Variants in ABRACL observed in about 807,000 individuals in gnomAD.
The protein encoded by ABRACL is ABRA C-terminal like.
A neutral mutation model predicts 7.0 loss-of-function variants in ABRACL; 4 were observed. The ratio of observed to expected loss-of-function variants is 0.57; its 90% confidence interval spans 0.28 to 1.30. The LOEUF (loss-of-function observed/expected upper bound fraction) is 1.30, where lower values mean the gene tolerates loss of function less well. Ranked by LOEUF, ABRACL falls within the 50% of genes most tolerant of loss-of-function variation. The probability of loss-of-function intolerance (pLI) is 0.10; values close to 1 mark genes in which losing one functional copy is unlikely to be tolerated. For synonymous variants in ABRACL, 30 were observed against 36.0 expected (o/e 0.83, Z 0.60); for missense variants, 104 against 97.3 (o/e 1.07, Z -0.29).
At chr6:139,032,336 T>C (rs568267897) in intron 1 of ABRACL, among the ~76,000 whole-genome samples, 1 of 152,382 alleles carries the variant, frequency 6.6e-6, no homozygotes, top group Non-Finnish European at 1.5e-5. Flanking sequence ...TTTCGCTTTT[T>C]AGTCTTGAAT....
chr6:139,041,513 G>A (rs6905639), intron 2 of ABRACL, among the ~76,000 whole-genome samples: 11,144 of 42,934 alleles, frequency 0.26, 544 homozygotes, highest in Admixed American at 0.3. Context: ...GTGTGTGTGT[G>A]TATATATATA....
At chr6:139,042,180 T>C (rs1402089465) in intron 2 of ABRACL, among the ~76,000 whole-genome samples, 1 of 152,226 alleles carries the variant, frequency 6.6e-6, no homozygotes, top group Admixed American at 6.5e-5. Flanking sequence ...AAAACTGGCC[T>C]CCAAATAAGA....
intron 2 of ABRACL, among the ~76,000 whole-genome samples, chr6:139,041,553 G>C (rs1308328075): frequency 8.0e-6 from 1 of 124,660 alleles, no homozygotes; most frequent in Admixed American, 9.6e-5. Flanking sequence ...GAGAGACATG[G>C]TCTGACTATG....
At chr6:139,041,402 C>G (rs910873160) in intron 2 of ABRACL, among the ~76,000 whole-genome samples, 1 of 147,264 alleles carries the variant, frequency 6.8e-6, no homozygotes, top group African/African-American at 2.5e-5. Flanking sequence ...TAGCTGGGAT[C>G]ACAGGTGCAT....
chr6:139,029,175 G>C (rs1786039464), intron 1 of ABRACL, among the ~76,000 whole-genome samples: 1 of 152,166 alleles, frequency 6.6e-6, no homozygotes, highest in Admixed American at 6.5e-5. Context: ...TTACCGCGGT[G>C]CGACGTGTCG....
intron 2 of ABRACL, among the ~76,000 whole-genome samples, chr6:139,034,928 G>T (rs889202747): frequency 3.3e-5 from 5 of 152,162 alleles, no homozygotes; most frequent in African/African-American, 1.2e-4. Context: ...TCTCAGATGA[G>T]ATATGCAAGA....
rs772384268 is a variant in ABRACL, at chr6:139,042,776, C to T, written c.119C>T (p.Ala40Val). Residue 40 changes from alanine (A) to valine (V), a missense_variant, in exon 3 of 3, where the codon GCC (alanine) becomes GTC (valine). Physicochemically the swap from Ala to Val is moderately conservative, Grantham distance 64. Transcript: ENST00000367660. ...GTCCTCTTCCGTGATGATAAATGTG[C>T]CAACCTCTTTGAAGCATTGGTAGGA... Reference protein sequence around the residue: ...FGVLFRDDKCANLFEALVGTL... With the variant: ...FGVLFRDDKCVNLFEALVGTL... 3 of 1,613,684 alleles carry T rather than the reference C, an allele frequency of 1.9e-6. No individual in the cohort carries two copies. Among genetic ancestry groups the T allele is most frequent in the South Asian group, 2.2e-5 (2 of 91,032 alleles).
At chr6:139,033,362 A>G (rs1158436742) in intron 1 of ABRACL, among the ~76,000 whole-genome samples, 1 of 152,202 alleles carries the variant, frequency 6.6e-6, no homozygotes, top group East Asian at 1.9e-4. Flanking sequence ...ATTTATTGCA[A>G]TCGGATTTAC....
Position 139,043,283 on chromosome 6 carries a change from C to T in ABRACL, c.*380C>T, listed in dbSNP as rs1233991772. 6.4e-6 allele frequency: 1 copy of T among 156,832 alleles called. No individual in the cohort carries two copies. The highest frequency in any genetic ancestry group is 6.5e-5 in the Admixed American group (1 of 15,416). 9.7% of individuals were successfully genotyped at this position (156,832 alleles called of 1,614,324 possible). On this transcript the variant is annotated 3_prime_UTR_variant, in exon 3 of 3. Transcript: ENST00000367660. ...TATTATGATGTTTATGTAATAAAGA[C>T]ATGTAACTGTCTTAAATTTGCCTTA...
intron 2 of ABRACL, among the ~76,000 whole-genome samples, chr6:139,038,341 G>T (rs1786195925): frequency 6.6e-6 from 1 of 152,152 alleles, no homozygotes; most frequent in Non-Finnish European, 1.5e-5. Context: ...TTTTAATTTT[G>T]CAGCTTCATC....
intron 1 of ABRACL, among the ~76,000 whole-genome samples, chr6:139,032,023 T>C (rs1449111763): frequency 3.3e-5 from 5 of 151,732 alleles, no homozygotes; most frequent in Non-Finnish European, 7.4e-5. Context: ...TGCAGTGGCG[T>C]GATCTCGGCT....
At chr6:139,041,455 A>C (rs201985276) in intron 2 of ABRACL, among the ~76,000 whole-genome samples, 1,827 of 80,416 alleles carry the variant, frequency 0.023, 23 homozygotes, top group Middle Eastern at 0.07. Flanking sequence ...CTCTCTCTAT[A>C]TATATATATA....
intron 2 of ABRACL, among the ~76,000 whole-genome samples, chr6:139,041,003 A>G (rs1786235604): frequency 1.3e-5 from 2 of 152,310 alleles, no homozygotes; most frequent in South Asian, 4.1e-4. Context: ...ACACAGGAGG[A>G]AGCCAAGGCT....
chr6:139,042,750 G>A lies in ABRACL; in HGVS notation c.93G>A (p.Gly31=). ...NADGKLSVKF[G]VLFRDDKCAN... The stretch of plus-strand genomic sequence containing the variant: ...ATGGAAAGTTAAGCGTGAAATTTGG[G>A]GTCCTCTTCCGTGATGATAAATGTG... The change falls in exon 3 of 3, where the codon GGG becomes GGA. Residue 31 remains glycine, a synonymous_variant. Coordinates refer to ENST00000367660, the MANE Select transcript of ABRACL (RefSeq NM_021243.3). The A allele has an allele frequency of 6.2e-7, 1 of 1,610,908 alleles. No individual in the cohort carries two copies. The highest frequency in any genetic ancestry group is 1.1e-5 in the South Asian group (1 of 90,196).
intron 2 of ABRACL, among the ~76,000 whole-genome samples, chr6:139,041,015 A>C (rs1372321833): frequency 1.3e-5 from 2 of 152,228 alleles, no homozygotes; most frequent in Non-Finnish European, 2.9e-5. Flanking sequence ...GCCAAGGCTT[A>C]GGGAGCTTTA....
chr6:139,032,185 C>T (rs569546449), intron 1 of ABRACL, among the ~76,000 whole-genome samples: 3 of 152,012 alleles, frequency 2.0e-5, no homozygotes, highest in Non-Finnish European at 2.9e-5. Flanking sequence ...AGGATGGTCT[C>T]GATCTCCTGA....
chr6:139,040,771 G>C (rs1021323404), intron 2 of ABRACL, among the ~76,000 whole-genome samples: 1 of 152,150 alleles, frequency 6.6e-6, no homozygotes, highest in African/African-American at 2.4e-5. Flanking sequence ...CCTCATCTTA[G>C]ATTATCTACT....
intron 2 of ABRACL, among the ~76,000 whole-genome samples, chr6:139,036,777 A>T (rs955228821): frequency 1.3e-5 from 2 of 152,136 alleles, no homozygotes; most frequent in African/African-American, 4.8e-5. Flanking sequence ...TAAGCCCAGG[A>T]ATTCAAGACC....
intron 2 of ABRACL, chr6:139,034,542 A>G: frequency 1.1e-6 from 1 of 933,574 alleles, no homozygotes; most frequent in Non-Finnish European, 1.5e-6. Flanking sequence ...TTTACTTGTC[A>G]TACTATTAAA....
Sources: gnomAD v4.1 joint callset for allele counts (sites outside exome capture counted in the v4.1 genomes callset) on GRCh38, gnomAD v4.1.1 for gene constraint, MANE v1.5 for transcripts, NCBI Gene and HGNC (gene_info 2026-07-23, HGNC 2026-07-21) for gene names.